Variants in NREP observed in about 807,000 individuals in gnomAD.
NREP encodes neuronal regeneration-related protein.
A neutral mutation model predicts 8.6 loss-of-function variants in NREP; 5 were observed. The ratio of observed to expected loss-of-function variants is 0.58; its 90% CI spans 0.30 to 1.22. The LOEUF is 1.22. Ranked by LOEUF, NREP falls within the 50% of genes most tolerant of loss-of-function variation. The probability of loss-of-function intolerance (pLI) is 0.07; values close to 1 mark genes in which losing one functional copy is unlikely to be tolerated. For missense variants in NREP, 86 were observed against 82.5 expected (o/e 1.04, Z -0.17); for synonymous variants, 27 against 28.0 (o/e 0.96, Z 0.11).
At chr5:111,856,789 T>C (rs1293323308) in intron 2 of NREP, among the ~76,000 whole-genome samples, 4 of 152,118 alleles carry the variant, frequency 2.6e-5, no homozygotes, top group African/African-American at 9.7e-5. Flanking sequence ...TTCAGAGACA[T>C]TGAAAGAACA....
chr5:111,763,459 A>C (rs872622), intron 2 of NREP, among the ~76,000 whole-genome samples: 65,588 of 152,076 alleles, frequency 0.43, 14,300 homozygotes, highest in Admixed American at 0.48. Context: ...TATTTTACTC[A>C]ACACCTGGAA....
intron 2 of NREP, among the ~76,000 whole-genome samples, chr5:111,946,508 T>G (rs751418914): frequency 6.6e-6 from 1 of 152,032 alleles, no homozygotes; most frequent in Non-Finnish European, 1.5e-5. Flanking sequence ...CAGGCCACAG[T>G]AAAAGATAAT....
At chr5:111,974,851 C>T (rs185580117) in intron 2 of NREP, among the ~76,000 whole-genome samples, 1 of 152,312 alleles carries the variant, frequency 6.6e-6, no homozygotes, top group Admixed American at 6.5e-5. Flanking sequence ...GTTTAAGGCA[C>T]TGCAGAGACA....
chr5:111,814,962 G>GGA (rs1441271105), intron 2 of NREP, among the ~76,000 whole-genome samples: 12 of 122,248 alleles, frequency 9.8e-5, no homozygotes, highest in African/African-American at 3.5e-4. Context: ...GTTACCAAGA[G>GGA]GAAAAAAAAA....
chr5:111,857,576 A>G (rs1245358514), intron 2 of NREP, among the ~76,000 whole-genome samples: 1 of 152,108 alleles, frequency 6.6e-6, no homozygotes, highest in Non-Finnish European at 1.5e-5. Context: ...TATCGGGGTG[A>G]TGGGTGTAGA....
chr5:111,964,560 G>C (rs1756578045), intron 2 of NREP, among the ~76,000 whole-genome samples: 1 of 151,858 alleles, frequency 6.6e-6, no homozygotes, highest in Non-Finnish European at 1.5e-5. Flanking sequence ...AGTAGAGGTG[G>C]GGTTTGCCCA....
chr5:111,795,774 A>G (rs1276533142), intron 2 of NREP, among the ~76,000 whole-genome samples: 1 of 152,226 alleles, frequency 6.6e-6, no homozygotes, highest in East Asian at 1.9e-4. Context: ...TATATAAAAG[A>G]CAGATATAGC....
chr5:111,739,339 T>A (rs1263924850), intron 2 of NREP: 1 of 152,234 alleles, frequency 6.6e-6, no homozygotes, highest in Non-Finnish European at 1.5e-5. Context: ...AAGTGCAGAA[T>A]AAGCTCCATG....
chr5:111,968,969 A>G (rs1756724243), intron 2 of NREP, among the ~76,000 whole-genome samples: 1 of 152,216 alleles, frequency 6.6e-6, no homozygotes, highest in African/African-American at 2.4e-5. Flanking sequence ...TTCTTTTTAG[A>G]TAGAGTTAAA....
intron 2 of NREP, among the ~76,000 whole-genome samples, chr5:111,804,448 T>A (rs1210221248): frequency 6.6e-6 from 1 of 152,208 alleles, no homozygotes; most frequent in Non-Finnish European, 1.5e-5. Context: ...AAATTCATTA[T>A]AATTTGAGTT....
chr5:111,731,871 A>G (rs1404459023), intron 3 of NREP: 1 of 152,468 alleles, frequency 6.6e-6, no homozygotes, highest in Non-Finnish European at 1.5e-5. Context: ...GGAGCTCTCC[A>G]TCACAACCAG....
chr5:111,751,736 A>C (rs1028321157), intron 2 of NREP, among the ~76,000 whole-genome samples: 1 of 152,192 alleles, frequency 6.6e-6, no homozygotes, highest in African/African-American at 2.4e-5. Context: ...AATTCAGGCA[A>C]ATCCTTCACT....
intron 2 of NREP, among the ~76,000 whole-genome samples, chr5:111,961,838 TAAC>T (rs1310726200): frequency 6.6e-6 from 1 of 152,206 alleles, no homozygotes; most frequent in Non-Finnish European, 1.5e-5. Context: ...GGTGAGGACT[TAAC>T]AGGAGAGTTC....
At chr5:111,882,176 G>A (rs947183362) in intron 2 of NREP, among the ~76,000 whole-genome samples, 2 of 152,232 alleles carry the variant, frequency 1.3e-5, no homozygotes, top group Non-Finnish European at 2.9e-5. Context: ...AGAACTACGT[G>A]AAGAATGCAG....
At chr5:111,760,219 G>C (rs1158452551), upstream of NREP, among the ~76,000 whole-genome samples, 4 of 152,158 alleles carry the variant, frequency 2.6e-5, no homozygotes, top group African/African-American at 9.7e-5. Flanking sequence ...ATGCCTGTAG[G>C]AAACGCCAGT....
rs555377884 is a variant in NREP at position 111,792,348 on chromosome 5, A to G, written c.136-56841T>C. 9.5e-4 allele frequency among the ~76,000 whole-genome samples: 144 copies of G among 152,354 alleles called. 1 individual carries two copies. Among genetic ancestry groups the G allele is most frequent in the African/African-American group, 3.4e-3 (140 of 41,586 alleles). ...CACTGCCTTAAATAGCCTGTATAGA[A>G]TGACACAGGACATAGTTAAGAACAA... On this transcript the variant is annotated intron_variant, in intron 2 of 3. Transcript: ENST00000395634.
intron 2 of NREP, among the ~76,000 whole-genome samples, chr5:111,745,717 A>C (rs948619546): frequency 2.0e-5 from 3 of 152,202 alleles, no homozygotes; most frequent in Non-Finnish European, 2.9e-5. Flanking sequence ...GCAGACACAC[A>C]AACCATATAC....
upstream of NREP, among the ~76,000 whole-genome samples, chr5:111,761,943 A>AT (rs946408755): frequency 4.6e-5 from 7 of 151,084 alleles, no homozygotes; most frequent in East Asian, 1.9e-4. Flanking sequence ...AAGTGACAAG[A>AT]TTTTTTTTTT....
chr5:111,830,861 T>G (rs1327825484), intron 2 of NREP, among the ~76,000 whole-genome samples: 12 of 152,206 alleles, frequency 7.9e-5, no homozygotes, highest in African/African-American at 2.9e-4. Context: ...GCTAATGTGA[T>G]TTTATTGGTG....
Sources: allele counts gnomAD v4.1 joint callset (sites outside exome capture counted in the v4.1 genomes callset), GRCh38; gene constraint gnomAD v4.1.1; transcripts MANE v1.5; gene names NCBI Gene and HGNC (gene_info 2026-07-23, HGNC 2026-07-21).